ENO1: variants seen among roughly 807,000 people sequenced by gnomAD.
The protein encoded by ENO1 is enolase 1, also known as alpha-enolase.
ENO1 carries 33 observed loss-of-function variants against 46.3 expected under a neutral mutation model. That is an observed-to-expected ratio of 0.71 (90% CI 0.54 to 0.95). The LOEUF (loss-of-function observed/expected upper bound fraction) is 0.95, where lower values mean the gene tolerates loss of function less well. Ranked by LOEUF, ENO1 falls within the 40% of genes least tolerant of loss-of-function variation. The probability of loss-of-function intolerance (pLI) is 0.00; values close to 1 mark genes in which losing one functional copy is unlikely to be tolerated. For missense variants in ENO1, 488 were observed against 553.3 expected (o/e 0.88, Z 1.18); for synonymous variants, 220 against 216.0 (o/e 1.02, Z -0.16).
intron 11 of ENO1, 83 bp downstream of exon 11, chr1:8,862,804 C>A: frequency 6.8e-7 from 1 of 1,481,082 alleles, no homozygotes; most frequent in Non-Finnish European, 9.3e-7. Flanking sequence ...GCCAGGAGCT[C>A]CTGGGGGAGG....
chr1:8,866,216 C>A, intron 7 of ENO1, 63 bp downstream of exon 7: 8 of 1,466,978 alleles, frequency 5.5e-6, no homozygotes, highest in South Asian at 4.6e-5. Flanking sequence ...TGTGGACGAC[C>A]CCCCAACAGA....
chr1:8,867,266 A>C lies in ENO1; in HGVS notation c.311-16T>G, dbSNP rs1240452189. On this transcript the variant is annotated splice_polypyrimidine_tract_variant and intron_variant, in intron 5 of 11. Coordinates refer to ENST00000234590, the MANE Select transcript of ENO1 (RefSeq NM_001428.5). ...CCAAACTTAGCTAGAACAGAAGAGA[A>C]CCGAGTGGAATGAAGTCATTTCTGA... 14 of 1,613,182 alleles carry C rather than the reference A, an allele frequency of 8.7e-6. No individual in the cohort carries two copies. Among genetic ancestry groups the C allele is most frequent in the Non-Finnish European group, 1.2e-5 (14 of 1,179,356 alleles).
chr1:8,874,674 C>T (rs956314856), intron 2 of ENO1, 150 bp downstream of exon 2: 12 of 512,156 alleles, frequency 2.3e-5, no homozygotes, highest in East Asian at 3.4e-5. Context: ...CCCCAACCCT[C>T]ACAGTCAGGA....
At chr1:8,873,056 G>C (rs1347532128) in intron 2 of ENO1, among the ~76,000 whole-genome samples, 1 of 152,222 alleles carries the variant, frequency 6.6e-6, no homozygotes, top group Non-Finnish European at 1.5e-5. Context: ...GCACTGCAGT[G>C]TGCGCTATCA....
At chr1:8,878,322 G>C in intron 1 of ENO1, 1 of 282,228 alleles carries the variant, frequency 3.5e-6, no homozygotes, top group South Asian at 2.9e-5. Flanking sequence ...CCCGCAGTCG[G>C]TAATCACGTG....
At chr1:8,867,705 ATTT>A (rs1181875972) in intron 5 of ENO1, among the ~76,000 whole-genome samples, 1 of 151,660 alleles carries the variant, frequency 6.6e-6, no homozygotes, top group Non-Finnish European at 1.5e-5. Flanking sequence ...AATTTTTTGT[ATTT>A]TTTAGTGGAG....
At chr1:8,868,138 T>C (rs993394463) in intron 4 of ENO1, 81 bp from the exon 5 acceptor site, 2 of 1,046,094 alleles carry the variant, frequency 1.9e-6, no homozygotes, top group African/African-American at 3.2e-5. Flanking sequence ...GAATCTGACT[T>C]TGGAACTGTG....
intron 2 of ENO1, among the ~76,000 whole-genome samples, chr1:8,872,245 A>C (rs1415749596): frequency 6.6e-6 from 1 of 152,176 alleles, no homozygotes; most frequent in Non-Finnish European, 1.5e-5. Flanking sequence ...TGCCACCTGG[A>C]GGTCTTGTTA....
At position 8,872,026 on chromosome 1, in the gene ENO1, T is replaced by C. The variant is rs759140061; in HGVS notation, c.86-40A>G. The C allele has an allele frequency of 1.1e-5, 17 of 1,570,092 alleles. No homozygotes were observed. In the South Asian group the frequency reaches 1.8e-4, roughly 16 times the overall value. The stretch of plus-strand genomic sequence containing the variant: ...AAAAGATGTAGTAGCAATTCAGAAA[T>C]CCAGTTCCAGCACAATCCCAAGTCC... On this transcript the variant is annotated intron_variant, in intron 2 of 11. Transcript: ENST00000234590.
rs749723672 is a variant in ENO1, at chr1:8,863,315, C to T, written c.1096G>A (p.Gly366Ser). The T allele has an allele frequency of 1.2e-6, 2 of 1,614,024 alleles. No homozygotes were observed. Among genetic ancestry groups the T allele is most frequent in the South Asian group, 2.2e-5 (2 of 91,070 alleles). The change falls in exon 10 of 12, where the codon GGC becomes AGC. Residue 366 changes from glycine to serine, a missense_variant. Coordinates refer to ENST00000234590, the MANE Select transcript of ENO1 (RefSeq NM_001428.5). The part of the protein sequence containing the change: ...ACKLAQANGW[G>S]VMVSHRSGET... Reference sequence around the variant, plus strand: ...CCCGAACGATGAGACACCATGACGCCCCAACCATTGGCCTGGGCCAGCTTG... The same window carrying T: ...CCCGAACGATGAGACACCATGACGCTCCAACCATTGGCCTGGGCCAGCTTG...
At chr1:8,867,588 C>T (rs1642548815) in intron 5 of ENO1, among the ~76,000 whole-genome samples, 1 of 151,814 alleles carries the variant, frequency 6.6e-6, no homozygotes, top group Non-Finnish European at 1.5e-5. Context: ...CAGAGTCTCA[C>T]TCTATTGCCC....
At chr1:8,868,086 T>A (rs1415037777) in intron 4 of ENO1, 29 bp from the exon 5 acceptor site, 1 of 1,547,014 alleles carries the variant, frequency 6.5e-7, no homozygotes. Context: ...AATGAGGGGT[T>A]GGGGCCACTC....
At position 8,863,022 on chromosome 1, in the gene ENO1, CAGAG is replaced by C. The variant is rs772393685; in HGVS notation, c.1177-81_1177-78del. The C allele has an allele frequency of 1.1e-4, 177 of 1,563,226 alleles. 1 individual carries two copies. The highest frequency in any genetic ancestry group is 1.4e-4 in the Non-Finnish European group (155 of 1,142,998). On this transcript the variant is annotated intron_variant, in intron 10 of 11. Transcript: ENST00000234590. The stretch of plus-strand genomic sequence containing the variant: ...TTCTGGCAGGGAGAGGGTGTGGTGT[CAGAG>C]AGAGAATTTCTAGAGGATCTGATGC...
At position 8,872,179 on chromosome 1, in the gene ENO1, T is replaced by G. The variant is rs529288770; in HGVS notation, c.86-193A>C. ...TATGATCCTGTACTGCAGAACTTAC[T>G]GCAAAGATGACTAATTCCTCTAGCA... On this transcript the variant is annotated intron_variant, in intron 2 of 11. Transcript: ENST00000234590. 2.0e-5 allele frequency among the ~76,000 whole-genome samples: 3 copies of G among 152,318 alleles called. No individual in the cohort carries two copies. In the East Asian group the frequency reaches 5.8e-4, roughly 29 times the overall value.
chr1:8,862,966 T>C (rs1249029597), intron 10 of ENO1, 21 bp from the exon 11 acceptor site: 1 of 1,613,666 alleles, frequency 6.2e-7, no homozygotes, highest in Non-Finnish European at 8.5e-7. Context: ...AGAAAGGCCA[T>C]TTGCTTACAG....
chr1:8,876,053 A>G (rs1387164335), intron 1 of ENO1: 1 of 152,204 alleles, frequency 6.6e-6, no homozygotes, highest in Non-Finnish European at 1.5e-5. Context: ...AAATACAAGA[A>G]TTTCCAGCAA....
At chr1:8,862,580 C>CTCTGAAAGCTCATGAAAGCTT (rs1487915320) in intron 11 of ENO1, among the ~76,000 whole-genome samples, 26 of 152,334 alleles carry the variant, frequency 1.7e-4, no homozygotes, top group African/African-American at 5.8e-4. Flanking sequence ...TGAAGGAGCT[C>CTCTGAAAGCTCATGAAAGCTT]TCTGAAAGCT....
intron 6 of ENO1, 60 bp from the exon 7 acceptor site, chr1:8,866,561 A>C (rs1157951448): frequency 6.4e-7 from 1 of 1,570,284 alleles, no homozygotes; most frequent in South Asian, 1.1e-5. Flanking sequence ...CAGGGCAGTA[A>C]GCCCCTCTGG....
chr1:8,863,228 T>C lies in ENO1; in HGVS notation c.1176+7A>G, dbSNP rs770001763. 4 of 1,613,856 alleles carry C rather than the reference T, an allele frequency of 2.5e-6. No individual in the cohort carries two copies. The highest frequency in any genetic ancestry group is 1.3e-5 in the African/African-American group (1 of 74,890). The stretch of plus-strand genomic sequence containing the variant: ...CAGAGAAGAAAGGAGGAGACGCTCA[T>C]TCTTACCTGCCCAGTGCACAGCCCC... On this transcript the variant is annotated splice_region_variant and intron_variant, in intron 10 of 11. Coordinates refer to ENST00000234590, the MANE Select transcript of ENO1 (RefSeq NM_001428.5).
Sources: allele counts gnomAD v4.1 joint callset (sites outside exome capture counted in the v4.1 genomes callset), GRCh38; gene constraint gnomAD v4.1.1; transcripts MANE v1.5; gene names NCBI Gene and HGNC (gene_info 2026-07-23, HGNC 2026-07-21).